Variants in POU6F2 observed in about 807,000 individuals in gnomAD.
The protein encoded by POU6F2 is POU class 6 homeobox 2, also known as POU domain, class 6, transcription factor 2.
POU6F2 carries 31 observed loss-of-function variants against 71.3 expected under a neutral mutation model. The ratio of observed to expected loss-of-function variants is 0.43; its 90% CI spans 0.33 to 0.59. The LOEUF (loss-of-function observed/expected upper bound fraction) is 0.59. POU6F2 is among the 20% of genes least tolerant of loss of function. The probability of loss-of-function intolerance (pLI) is 0.04; values close to 1 mark genes in which losing one functional copy is unlikely to be tolerated. For synonymous variants in POU6F2, 347 were observed against 355.7 expected, an observed-to-expected ratio of 0.98 and a Z score of 0.27; for missense variants, 783 against 856.8, an observed-to-expected ratio of 0.91 and a Z score of 1.07.
At chr7:39,159,193 A>T (rs951162893) in intron 2 of POU6F2, among the ~76,000 whole-genome samples, 1 of 151,982 alleles carries the variant, frequency 6.6e-6, no homozygotes, top group Non-Finnish European at 1.5e-5. Context: ...ATAAAAAATA[A>T]AAAAAATAAC....
At chr7:39,068,266 C>G (rs908519361) in intron 1 of POU6F2, among the ~76,000 whole-genome samples, 1 of 152,124 alleles carries the variant, frequency 6.6e-6, no homozygotes, top group Non-Finnish European at 1.5e-5. Context: ...CTAATACTTT[C>G]TCACTGTACA....
chr7:39,182,702 T>C (rs58104022), intron 2 of POU6F2, among the ~76,000 whole-genome samples: 1 of 152,236 alleles, frequency 6.6e-6, no homozygotes, highest in African/African-American at 2.4e-5. Context: ...TGTAAACCAT[T>C]GTATTCCCCA....
rs531818996 is a variant in POU6F2, at chr7:39,386,117, CAAAAA to C, written c.973-20469_973-20465del. Among the ~76,000 whole-genome samples, 6 of 91,296 alleles carry C rather than the reference CAAAAA, an allele frequency of 6.6e-5. No homozygotes were observed. The Admixed American group carries it at 7.4e-4, about 11-fold the overall frequency. 59.9% of individuals were successfully genotyped at this position (91,296 alleles called of 152,430 possible). The stretch of plus-strand genomic sequence containing the variant: ...TGGGCAACAGAGCAAGACTCCGTCT[CAAAAA>C]AAAAAAAAAAAAAGAACCAACTTAG... On this transcript the variant is annotated intron_variant, in intron 5 of 9. Transcript: ENST00000518318.
At chr7:39,410,105 T>C (rs144823512) in intron 6 of POU6F2, among the ~76,000 whole-genome samples, 1,648 of 152,286 alleles carry the variant, frequency 0.011, 31 homozygotes, top group African/African-American at 0.037. Flanking sequence ...CCCAGCACTG[T>C]GGGAGGCCAA....
At chr7:39,425,929 A>T (rs1156980130) in intron 6 of POU6F2, among the ~76,000 whole-genome samples, 1 of 152,116 alleles carries the variant, frequency 6.6e-6, no homozygotes, top group Non-Finnish European at 1.5e-5. Flanking sequence ...TTGCTTCTTG[A>T]CTTCTCTGGG....
At chr7:39,259,972 TACAC>T (rs1241247973) in intron 4 of POU6F2, among the ~76,000 whole-genome samples, 1 of 147,266 alleles carries the variant, frequency 6.8e-6, no homozygotes, top group East Asian at 2.0e-4. Context: ...CACACACACA[TACAC>T]ACACACAGTC....
intron 1 of POU6F2, among the ~76,000 whole-genome samples, chr7:39,076,374 A>G (rs568629896): frequency 1.3e-5 from 2 of 152,310 alleles, no homozygotes; most frequent in East Asian, 3.9e-4. Flanking sequence ...CAGGGACTCA[A>G]ACATCTCAGC....
chr7:39,342,199 C>T (rs906747455), intron 5 of POU6F2, among the ~76,000 whole-genome samples: 3 of 94,694 alleles, frequency 3.2e-5, no homozygotes, highest in African/African-American at 1.2e-4. Context: ...TTAAACAAAT[C>T]TGTGTCGGTA....
intron 2 of POU6F2, among the ~76,000 whole-genome samples, chr7:39,170,738 G>A (rs1249460529): frequency 6.6e-6 from 1 of 152,006 alleles, no homozygotes; most frequent in Non-Finnish European, 1.5e-5. Context: ...GAGAAGAATT[G>A]TAGTGTTCCC....
intron 1 of POU6F2, among the ~76,000 whole-genome samples, chr7:38,990,163 G>T (rs967949559): frequency 6.6e-6 from 1 of 151,998 alleles, no homozygotes; most frequent in Admixed American, 6.6e-5. Flanking sequence ...TGAAATAATT[G>T]TATTGTATCA....
intron 1 of POU6F2, among the ~76,000 whole-genome samples, chr7:39,074,657 T>C (rs1444889646): frequency 6.6e-6 from 1 of 152,182 alleles, no homozygotes; most frequent in Non-Finnish European, 1.5e-5. Flanking sequence ...GTATCCTTTT[T>C]AGCAGTGGTT....
At chr7:39,177,016 T>C (rs1324953754) in intron 2 of POU6F2, among the ~76,000 whole-genome samples, 1 of 152,228 alleles carries the variant, frequency 6.6e-6, no homozygotes, top group Admixed American at 6.5e-5. Flanking sequence ...CTATTCCTTC[T>C]ATGCTATGGC....
At chr7:39,417,669 G>T (rs1329836749) in intron 6 of POU6F2, among the ~76,000 whole-genome samples, 1 of 152,142 alleles carries the variant, frequency 6.6e-6, no homozygotes, top group Admixed American at 6.5e-5. Flanking sequence ...CTCCCTAGAT[G>T]AGATACTTGC....
At chr7:39,335,265 G>A (rs879571851) in intron 4 of POU6F2, among the ~76,000 whole-genome samples, 6 of 151,952 alleles carry the variant, frequency 3.9e-5, no homozygotes, top group African/African-American at 1.2e-4. Context: ...ATAATAACTC[G>A]TGGCTCATAC....
At chr7:39,099,534 T>C (rs1425764158) in intron 2 of POU6F2, among the ~76,000 whole-genome samples, 1 of 152,238 alleles carries the variant, frequency 6.6e-6, no homozygotes, top group Admixed American at 6.5e-5. Context: ...CAGGGTAAAC[T>C]ACAGAAAATT....
intron 2 of POU6F2, among the ~76,000 whole-genome samples, chr7:39,181,235 C>T (rs907357204): frequency 1.3e-5 from 2 of 152,152 alleles, no homozygotes; most frequent in African/African-American, 4.8e-5. Flanking sequence ...CACACCATAA[C>T]TCCTCCACTG....
chr7:39,210,943 C>T (rs1356350924), intron 4 of POU6F2, among the ~76,000 whole-genome samples: 1 of 152,184 alleles, frequency 6.6e-6, no homozygotes, highest in African/African-American at 2.4e-5. Flanking sequence ...GTATTCCTCA[C>T]AGTGCTGCAG....
intron 2 of POU6F2, among the ~76,000 whole-genome samples, chr7:39,188,687 A>G (rs1181161731): frequency 6.6e-6 from 1 of 152,122 alleles, no homozygotes; most frequent in Admixed American, 6.5e-5. Flanking sequence ...ATCTTCCTGA[A>G]TTTTGCAGAA....
chr7:39,362,578 A>G lies in POU6F2; in HGVS notation c.972+22563A>G, dbSNP rs994950856. Among the ~76,000 whole-genome samples, 3 of 152,178 alleles carry G rather than the reference A, an allele frequency of 2.0e-5. 1 individual carries two copies. The highest frequency in any genetic ancestry group is 4.1e-4 in the South Asian group (2 of 4,822). ...TGGTATCATTTTAGTCTTATGAGTCATTTGTTCATTTATCAACTGTGTGTT... is the reference window on the plus strand; with the variant it reads ...TGGTATCATTTTAGTCTTATGAGTCGTTTGTTCATTTATCAACTGTGTGTT... On this transcript the variant is annotated intron_variant, in intron 5 of 9. Coordinates refer to ENST00000518318, the MANE Select transcript of POU6F2 (RefSeq NM_001370959.1).
Sources: gnomAD v4.1 joint callset for allele counts (sites outside exome capture counted in the v4.1 genomes callset) on GRCh38, gnomAD v4.1.1 for gene constraint, MANE v1.5 for transcripts, NCBI Gene and HGNC (gene_info 2026-07-23, HGNC 2026-07-21) for gene names.